The following TENM3 variants were observed in gnomAD, a reference collection of about 807,000 sequenced individuals.
TENM3 encodes the protein teneurin-3.
Under a neutral mutation model 255.1 loss-of-function variants are expected in TENM3, and 63 were observed. The ratio of observed to expected loss-of-function variants is 0.25; its 90% confidence interval spans 0.20 to 0.30. TENM3 has a LOEUF of 0.30. Ranked by LOEUF, TENM3 falls within the 10% of genes least tolerant of loss-of-function variation. TENM3 has a pLI of 1.00. For missense variants in TENM3, 2,929 were observed against 3,461.1 expected (o/e 0.85, Z 3.86); for synonymous variants, 1,306 against 1,322.3 (o/e 0.99, Z 0.27).
the TENM3 span, among the ~76,000 whole-genome samples, chr4:181,705,792 T>C: frequency 0.92 from 139,734 of 152,108 alleles, 64,235 homozygotes; most frequent in East Asian, 0.94. Context: ...TCATTTTACC[T>C]GATCTCCCCT....
chr4:181,588,537 A>G, the TENM3 span, among the ~76,000 whole-genome samples: 8 of 152,162 alleles, frequency 5.3e-5, no homozygotes, highest in East Asian at 1.9e-4. Flanking sequence ...AGAGATTCCA[A>G]TTGGGATCTG....
the TENM3 span, among the ~76,000 whole-genome samples, chr4:181,731,160 A>G: frequency 6.6e-6 from 1 of 152,186 alleles, no homozygotes; most frequent in Non-Finnish European, 1.5e-5. Flanking sequence ...ATATCATATG[A>G]GATACATTTT....
At chr4:181,476,183 G>A in the TENM3 span, among the ~76,000 whole-genome samples, 2 of 146,468 alleles carry the variant, frequency 1.4e-5, no homozygotes, top group African/African-American at 5.2e-5. Context: ...CGGAATGAAA[G>A]TTAAAGATAA....
chr4:181,545,674 A>G, the TENM3 span, among the ~76,000 whole-genome samples: 5 of 152,194 alleles, frequency 3.3e-5, no homozygotes, highest in Non-Finnish European at 5.9e-5. Flanking sequence ...TTATTTTCAG[A>G]ACCTGATGAA....
the TENM3 span, among the ~76,000 whole-genome samples, chr4:182,097,010 A>G: frequency 6.6e-6 from 1 of 152,202 alleles, no homozygotes; most frequent in Non-Finnish European, 1.5e-5. Context: ...TAAAACCTCA[A>G]GAAAGTTATT....
chr4:182,792,125 A>G lies in TENM3; in HGVS notation c.5602-149A>G. 2.6e-6 allele frequency: 2 copies of G among 766,704 alleles called. No individual in the cohort carries two copies. The highest frequency in any genetic ancestry group is 4.0e-5 in the South Asian group (2 of 49,608). 47.5% of individuals were successfully genotyped at this position (766,704 alleles called of 1,614,324 possible). A position where few individuals can be genotyped will look rare whatever the true frequency, so the allele number is the denominator to read the frequency against. ...GCATCCAAGCAAATTAGGCAGAGAA[A>G]CGTTAACAACACGCAAGGTCAAGGA... On this transcript the variant is annotated intron_variant, in intron 25 of 27. Coordinates refer to ENST00000511685, the MANE Select transcript of TENM3 (RefSeq NM_001080477.4). The surrounding 1 kb of genome is among the most constrained non-coding windows in gnomAD (Gnocchi z 6.3).
At chr4:182,613,392 T>A (rs1184084964) in intron 4 of TENM3, among the ~76,000 whole-genome samples, 1 of 152,194 alleles carries the variant, frequency 6.6e-6, no homozygotes, top group Non-Finnish European at 1.5e-5. Flanking sequence ...GTATATTTAG[T>A]CCTGTTGTTC....
chr4:182,484,388 A>G (rs1198739795), intron 3 of TENM3, among the ~76,000 whole-genome samples: 2 of 152,182 alleles, frequency 1.3e-5, no homozygotes, highest in Non-Finnish European at 2.9e-5. Context: ...TATAGAGTGC[A>G]CTATTACCAA....
At chr4:182,149,755 A>G (rs1014947846) in intron 1 of TENM3, among the ~76,000 whole-genome samples, 17 of 152,040 alleles carry the variant, frequency 1.1e-4, no homozygotes, top group African/African-American at 3.9e-4. Flanking sequence ...GAAATGTAGC[A>G]TAACACTAAA....
chr4:182,351,525 C>A (rs552004338), intron 3 of TENM3, among the ~76,000 whole-genome samples: 1 of 152,292 alleles, frequency 6.6e-6, no homozygotes, highest in South Asian at 2.1e-4. Flanking sequence ...GCTCCTTCAG[C>A]TGCCTGCCGA....
chr4:181,525,004 A>G, the TENM3 span, among the ~76,000 whole-genome samples: 3 of 152,196 alleles, frequency 2.0e-5, no homozygotes, highest in Non-Finnish European at 4.4e-5. Flanking sequence ...AAATTGCTTG[A>G]TTATACGACA....
the TENM3 span, among the ~76,000 whole-genome samples, chr4:181,745,242 T>C: frequency 0.018 from 2,669 of 152,080 alleles, 78 homozygotes; most frequent in African/African-American, 0.061. Flanking sequence ...AATGGGAAGA[T>C]TGGCTTAAAT....
the TENM3 span, among the ~76,000 whole-genome samples, chr4:182,031,511 G>A: frequency 6.6e-6 from 1 of 152,080 alleles, no homozygotes; most frequent in African/African-American, 2.4e-5. Context: ...TGCTCTTTTT[G>A]CTCAAGATTG....
At chr4:181,608,844 A>G in the TENM3 span, among the ~76,000 whole-genome samples, 1 of 152,196 alleles carries the variant, frequency 6.6e-6, no homozygotes, top group Non-Finnish European at 1.5e-5. Context: ...AAAGCTTAGC[A>G]TCTCTTCAAA....
At chr4:181,551,894 A>AT in the TENM3 span, among the ~76,000 whole-genome samples, 1 of 126,972 alleles carries the variant, frequency 7.9e-6, no homozygotes, top group African/African-American at 3.0e-5. Flanking sequence ...GTGTGTATAT[A>AT]AATTTTGCCT....
intron 5 of TENM3, among the ~76,000 whole-genome samples, chr4:182,629,702 C>G (rs904215351): frequency 2.0e-5 from 3 of 152,028 alleles, no homozygotes; most frequent in African/African-American, 7.2e-5. Flanking sequence ...GAACAATAGC[C>G]AGTGATGCAT....
the TENM3 span, among the ~76,000 whole-genome samples, chr4:181,992,459 A>G: frequency 6.6e-6 from 1 of 152,186 alleles, no homozygotes; most frequent in African/African-American, 2.4e-5. Flanking sequence ...TAGTGGCACT[A>G]GAAGAATTAC....
At chr4:181,529,053 C>G in the TENM3 span, among the ~76,000 whole-genome samples, 70 of 152,294 alleles carry the variant, frequency 4.6e-4, no homozygotes, top group Non-Finnish European at 8.4e-4. Flanking sequence ...GAGGAAGGCA[C>G]AGTGGAGATT....
the TENM3 span, among the ~76,000 whole-genome samples, chr4:182,022,539 A>G: frequency 6.6e-6 from 1 of 152,052 alleles, no homozygotes; most frequent in Admixed American, 6.6e-5. Context: ...ATAAAAAAAA[A>G]AAAAAAAATC....
Sources: gnomAD v4.1 joint callset for allele counts (sites outside exome capture counted in the v4.1 genomes callset) on GRCh38, gnomAD v4.1.1 for gene constraint, Gnocchi (gnomAD v3.1) non-coding constraint, MANE v1.5 for transcripts, NCBI Gene and HGNC (gene_info 2026-07-23, HGNC 2026-07-21) for gene names.